CDH13: variants seen among roughly 807,000 people sequenced by gnomAD.
CDH13 encodes the protein cadherin-13.
Under a neutral mutation model 63.8 loss-of-function variants are expected in CDH13, and 24 were observed. That is an observed-to-expected ratio of 0.38 (90% CI 0.27 to 0.53). The LOEUF is 0.53. CDH13 is among the 20% of genes least tolerant of loss of function. The probability of loss-of-function intolerance (pLI) is 0.85; values close to 1 mark genes in which losing one functional copy is unlikely to be tolerated. For missense variants in CDH13, 1,049 were observed against 903.1 expected (o/e 1.16, Z -2.07); for synonymous variants, 503 against 355.3 (o/e 1.42, Z -4.67).
intron 9 of CDH13, among the ~76,000 whole-genome samples, chr16:83,675,270 G>A (rs6563965): frequency 0.075 from 11,358 of 152,236 alleles, 684 homozygotes; most frequent in African/African-American, 0.17. Flanking sequence ...TGTGTCAGCA[G>A]CTCCAGGTGG....
chr16:83,611,611 A>G lies in CDH13; in HGVS notation c.1101+9017A>G, dbSNP rs1378057211. ...ACCCCTCCCTAGAAATGATACTTTA[A>G]TCATTGATTTTCAATCTTTCTTTTT... is the stretch of plus-strand genomic sequence containing the variant. On this transcript the variant is annotated intron_variant, in intron 8 of 13. Transcript: ENST00000567109. 1.9e-4 allele frequency among the ~76,000 whole-genome samples: 29 copies of G among 151,838 alleles called. 1 individual carries two copies. Among genetic ancestry groups the G allele is most frequent in the Admixed American group, 1.9e-3 (29 of 15,268 alleles).
intron 2 of CDH13, among the ~76,000 whole-genome samples, chr16:82,994,032 GCCCATTCCCT>G (rs1447965331): frequency 6.6e-6 from 1 of 152,130 alleles, no homozygotes; most frequent in African/African-American, 2.4e-5. Context: ...TGCAGAGCCA[GCCCATTCCCT>G]CTGGTGCTGG....
At chr16:82,708,381 C>CA (rs2031657000) in intron 1 of CDH13, among the ~76,000 whole-genome samples, 1 of 152,166 alleles carries the variant, frequency 6.6e-6, no homozygotes, top group Non-Finnish European at 1.5e-5. Flanking sequence ...AAACACTGAA[C>CA]AACCAGGCAT....
intron 3 of CDH13, among the ~76,000 whole-genome samples, chr16:83,090,482 G>A (rs1313048878): frequency 1.3e-5 from 2 of 151,542 alleles, no homozygotes; most frequent in Non-Finnish European, 2.9e-5. Context: ...GCTGAGGCGG[G>A]AGAATCGCTT....
At chr16:83,671,376 G>A (rs888745946) in intron 9 of CDH13, among the ~76,000 whole-genome samples, 1 of 152,084 alleles carries the variant, frequency 6.6e-6, no homozygotes, top group Non-Finnish European at 1.5e-5. Context: ...AGCCTCCTGA[G>A]TAGCTGGGAT....
intron 8 of CDH13, among the ~76,000 whole-genome samples, chr16:83,650,256 T>C (rs1026741482): frequency 6.6e-6 from 1 of 152,222 alleles, no homozygotes; most frequent in Non-Finnish European, 1.5e-5. Flanking sequence ...AAAGGGATTA[T>C]CAGCTGCTAA....
At chr16:83,267,755 C>A (rs970782783) in intron 5 of CDH13, among the ~76,000 whole-genome samples, 1 of 152,184 alleles carries the variant, frequency 6.6e-6, no homozygotes, top group Admixed American at 6.5e-5. Flanking sequence ...CCCTCCAGGA[C>A]CATGAGCCAA....
chr16:83,545,032 T>C (rs1052378040), intron 7 of CDH13, among the ~76,000 whole-genome samples: 1 of 152,252 alleles, frequency 6.6e-6, no homozygotes, highest in Admixed American at 6.5e-5. Context: ...GGAAACATAC[T>C]TAATGATGAA....
intron 2 of CDH13, among the ~76,000 whole-genome samples, chr16:82,900,167 C>T (rs11863075): frequency 6.6e-6 from 1 of 152,004 alleles, no homozygotes; most frequent in Non-Finnish European, 1.5e-5. Context: ...TCTTGCTGGG[C>T]CCCTTTTAGA....
intron 8 of CDH13, among the ~76,000 whole-genome samples, chr16:83,612,618 A>G (rs927282977): frequency 5.3e-5 from 8 of 151,658 alleles, no homozygotes; most frequent in Non-Finnish European, 1.0e-4. Context: ...TCTTTTTCAC[A>G]TTTACTTGGG....
intron 1 of CDH13, among the ~76,000 whole-genome samples, chr16:82,692,068 T>C (rs547883675): frequency 2.0e-5 from 3 of 152,220 alleles, no homozygotes; most frequent in Non-Finnish European, 4.4e-5. Context: ...GGCTGGACAA[T>C]GAATTATCTG....
intron 9 of CDH13, among the ~76,000 whole-genome samples, chr16:83,673,225 C>T (rs1297494703): frequency 1.3e-5 from 2 of 152,172 alleles, no homozygotes; most frequent in Non-Finnish European, 2.9e-5. Flanking sequence ...GAATACTGAC[C>T]CGTACTAGAA....
At chr16:83,289,384 C>G (rs1251505527) in intron 5 of CDH13, among the ~76,000 whole-genome samples, 1 of 152,130 alleles carries the variant, frequency 6.6e-6, no homozygotes, top group African/African-American at 2.4e-5. Context: ...GGGTGTACAT[C>G]ACAATCATCT....
chr16:83,647,332 A>G (rs1215382009), intron 8 of CDH13, among the ~76,000 whole-genome samples: 1 of 148,154 alleles, frequency 6.7e-6, no homozygotes, highest in Non-Finnish European at 1.5e-5. Flanking sequence ...AAAAAAAAAA[A>G]TTACACTAGC....
chr16:83,319,952 T>A (rs948206898), intron 5 of CDH13, among the ~76,000 whole-genome samples: 1 of 152,210 alleles, frequency 6.6e-6, no homozygotes, highest in Non-Finnish European at 1.5e-5. Context: ...TTAGGCATCA[T>A]GGAAAAACGA....
intron 10 of CDH13, among the ~76,000 whole-genome samples, chr16:83,724,444 GATGAATGCATGGGTGGA>G (rs1399818701): frequency 5.3e-5 from 8 of 151,160 alleles, no homozygotes; most frequent in African/African-American, 2.0e-4. Flanking sequence ...ATGGGTGGAT[GATGAATGCATGGGTGGA>G]TGATGAATGC....
chr16:83,125,213 C>G lies in CDH13; in HGVS notation c.367-172C>G, dbSNP rs111284595. On this transcript the variant is annotated intron_variant, in intron 3 of 13. Coordinates refer to ENST00000567109, the MANE Select transcript of CDH13 (RefSeq NM_001257.5). ...TAGTTATAGTGAATAACAATGTCAG[C>G]TTTAGTATTATTCTAGTAATGTACT... Among the ~76,000 whole-genome samples the G allele has an allele frequency of 6.7e-3, 1,015 of 152,244 alleles. 4 individuals carry two copies. The highest frequency in any genetic ancestry group is 0.011 in the Non-Finnish European group (752 of 68,030).
At chr16:83,644,761 A>T (rs1373535448) in intron 8 of CDH13, among the ~76,000 whole-genome samples, 1 of 152,174 alleles carries the variant, frequency 6.6e-6, no homozygotes, top group Non-Finnish European at 1.5e-5. Context: ...GGGGGTCCCC[A>T]GTGAAGTAGG....
intron 7 of CDH13, among the ~76,000 whole-genome samples, chr16:83,502,128 C>T (rs1440879037): frequency 6.6e-6 from 1 of 152,198 alleles, no homozygotes; most frequent in Non-Finnish European, 1.5e-5. Flanking sequence ...AAGAAGTCCT[C>T]ATCCTAATTC....
Sources: allele counts gnomAD v4.1 joint callset (sites outside exome capture counted in the v4.1 genomes callset), GRCh38; gene constraint gnomAD v4.1.1; transcripts MANE v1.5; gene names NCBI Gene and HGNC (gene_info 2026-07-23, HGNC 2026-07-21).